Variants in RHOU observed in about 807,000 individuals in gnomAD.
RHOU encodes ras homolog family member U.
In RHOU, 8 loss-of-function variants were observed where a neutral mutation model predicts 12.6. The observed-to-expected ratio is 0.64, with a 90% CI of 0.37 to 1.15. The LOEUF is 1.15. RHOU is among the 50% of genes most tolerant of loss of function. The probability of loss-of-function intolerance (pLI) is 0.01; values close to 1 mark genes in which losing one functional copy is unlikely to be tolerated. For synonymous variants in RHOU, 161 were observed against 147.4 expected (o/e 1.09, Z -0.67); for missense variants, 258 against 347.0 (o/e 0.74, Z 2.04).
Position 228,737,825 on chromosome 1 carries a change from A to G in RHOU, c.321+94A>G. ...GATTCCCTCAGTCAGTAACTGGGTC[A>G]TTCTAAAGCCTCATGAAGTGGACCC... On this transcript the variant is annotated intron_variant, in intron 2 of 2. Coordinates refer to ENST00000366691, the MANE Select transcript of RHOU (RefSeq NM_021205.6). The surrounding 1 kb of genome is among the most constrained non-coding windows in gnomAD (Gnocchi z 4.1). The G allele has an allele frequency of 7.3e-7, 1 of 1,367,442 alleles. No homozygotes were observed. 84.7% of individuals were successfully genotyped at this position (1,367,442 alleles called of 1,614,324 possible).
the RHOU span, among the ~76,000 whole-genome samples, chr1:228,659,981 A>G: frequency 1.3e-5 from 2 of 148,978 alleles, no homozygotes; most frequent in Non-Finnish European, 3.0e-5. Context: ...AAAAAAAAAA[A>G]CAAGAAAGAA....
chr1:228,718,939 A>T, the RHOU span, among the ~76,000 whole-genome samples: 1 of 152,340 alleles, frequency 6.6e-6, no homozygotes, highest in East Asian at 1.9e-4. Context: ...CACCAACTCA[A>T]ATCAGCCAGT....
At chr1:228,657,880 A>G in the RHOU span, among the ~76,000 whole-genome samples, 1 of 152,224 alleles carries the variant, frequency 6.6e-6, no homozygotes, top group Non-Finnish European at 1.5e-5. Flanking sequence ...AGTAAAACTG[A>G]TAAACTGACC....
the RHOU span, among the ~76,000 whole-genome samples, chr1:228,699,230 G>A: frequency 1.3e-5 from 2 of 151,250 alleles, no homozygotes; most frequent in African/African-American, 4.9e-5. Context: ...AGGATTGCTT[G>A]AGGCCAGGAG....
At chr1:228,686,826 C>T in the RHOU span, among the ~76,000 whole-genome samples, 281 of 152,080 alleles carry the variant, frequency 1.8e-3, 2 homozygotes, top group Middle Eastern at 0.024. Flanking sequence ...CTGCAACCTC[C>T]GCTTCCAGGG....
the RHOU span, among the ~76,000 whole-genome samples, chr1:228,682,984 T>C: frequency 6.6e-6 from 1 of 152,170 alleles, no homozygotes; most frequent in Non-Finnish European, 1.5e-5. Flanking sequence ...GGCAGCCCCA[T>C]GAGCCCCATA....
At chr1:228,669,353 G>A in the RHOU span, among the ~76,000 whole-genome samples, 1 of 152,112 alleles carries the variant, frequency 6.6e-6, no homozygotes, top group South Asian at 2.1e-4. Flanking sequence ...GGCATTGCCT[G>A]GGTGATGCTG....
the RHOU span, among the ~76,000 whole-genome samples, chr1:228,654,370 G>A: frequency 6.6e-6 from 1 of 152,280 alleles, no homozygotes; most frequent in South Asian, 2.1e-4. Context: ...GCCTCCCAAA[G>A]TGTTGGGATT....
chr1:228,713,426 G>C, the RHOU span, among the ~76,000 whole-genome samples: 2 of 152,132 alleles, frequency 1.3e-5, no homozygotes, highest in African/African-American at 4.8e-5. Flanking sequence ...TGCTCCCCTT[G>C]CCATTCTGTA....
At chr1:228,689,999 T>TAA in the RHOU span, among the ~76,000 whole-genome samples, 3 of 151,578 alleles carry the variant, frequency 2.0e-5, no homozygotes, top group African/African-American at 7.3e-5. Context: ...AACCGGAATT[T>TAA]AAAAAAAATG....
At chr1:228,659,800 A>G in the RHOU span, among the ~76,000 whole-genome samples, 1 of 151,962 alleles carries the variant, frequency 6.6e-6, no homozygotes, top group Non-Finnish European at 1.5e-5. Context: ...CCTGGCCAAC[A>G]TGGTGAAACC....
chr1:228,736,102 C>A, intron 1 of RHOU, 98 bp downstream of exon 1: 1 of 1,237,038 alleles, frequency 8.1e-7, no homozygotes, highest in Non-Finnish European at 1.1e-6. Context: ...AAGGGGGCTG[C>A]AGGGCCCCGG....
the RHOU span, among the ~76,000 whole-genome samples, chr1:228,711,363 C>G: frequency 1.3e-5 from 2 of 152,094 alleles, no homozygotes; most frequent in African/African-American, 4.8e-5. Flanking sequence ...CAATCCTAAG[C>G]CAAAAGAACA....
At chr1:228,679,678 G>T in the RHOU span, among the ~76,000 whole-genome samples, 2 of 152,028 alleles carry the variant, frequency 1.3e-5, no homozygotes, top group African/African-American at 4.8e-5. Flanking sequence ...ACAGATAAGT[G>T]ATAACAGGCT....
the RHOU span, among the ~76,000 whole-genome samples, chr1:228,718,616 T>C: frequency 6.6e-6 from 1 of 152,118 alleles, no homozygotes; most frequent in Non-Finnish European, 1.5e-5. Flanking sequence ...ATTAGACAAG[T>C]AGAGGCCCAG....
At chr1:228,704,109 C>T in the RHOU span, among the ~76,000 whole-genome samples, 23 of 152,122 alleles carry the variant, frequency 1.5e-4, 1 homozygote, top group African/African-American at 5.6e-4. Flanking sequence ...TATTTTGTAT[C>T]CAGTGGAAGG....
At chr1:228,675,773 A>G in the RHOU span, among the ~76,000 whole-genome samples, 1 of 152,220 alleles carries the variant, frequency 6.6e-6, no homozygotes, top group Non-Finnish European at 1.5e-5. Context: ...TTTTATATTC[A>G]GAGATCTTAC....
the RHOU span, among the ~76,000 whole-genome samples, chr1:228,712,913 C>T: frequency 2.0e-5 from 3 of 151,650 alleles, no homozygotes; most frequent in Non-Finnish European, 4.4e-5. Context: ...TGCAATGTTG[C>T]CATATACTGC....
At chr1:228,661,024 A>C in the RHOU span, among the ~76,000 whole-genome samples, 1 of 152,100 alleles carries the variant, frequency 6.6e-6, no homozygotes, top group South Asian at 2.1e-4. Context: ...AATCACAAGC[A>C]TTCCTATACA....
Sources: gnomAD v4.1 joint callset for allele counts (sites outside exome capture counted in the v4.1 genomes callset) on GRCh38, gnomAD v4.1.1 for gene constraint, Gnocchi (gnomAD v3.1) non-coding constraint, MANE v1.5 for transcripts, NCBI Gene and HGNC (gene_info 2026-07-23, HGNC 2026-07-21) for gene names.